Variants in RAB36 observed in about 807,000 individuals in gnomAD.
RAB36 encodes RAB36, member RAS oncogene family.
A neutral mutation model predicts 39.3 loss-of-function variants in RAB36; 33 were observed. The observed-to-expected ratio is 0.84, with a 90% CI of 0.64 to 1.12. The LOEUF (loss-of-function observed/expected upper bound fraction) is 1.12. Ranked by LOEUF, RAB36 falls within the 50% of genes most tolerant of loss-of-function variation. RAB36 has a pLI of 0.00. For missense variants in RAB36, 308 were observed against 355.3 expected (o/e 0.87, Z 1.07); for synonymous variants, 133 against 140.2 (o/e 0.95, Z 0.36).
At chr22:23,153,585 G>T in intron 5 of RAB36, 1 of 985,200 alleles carries the variant, frequency 1.0e-6, no homozygotes, top group Non-Finnish European at 1.2e-6. Context: ...GGGCTGAGAT[G>T]GAGTACACAG....
In RAB36 at chr22:23,162,989, G is replaced by A. The variant is rs2071895867; in HGVS notation, c.*1425G>A. 6.4e-6 allele frequency: 2 copies of A among 313,842 alleles called. No individual in the cohort carries two copies. The allele number at this position is 313,842 out of a possible 1,614,324, so 19.4% of individuals were successfully genotyped here. On this transcript the variant is annotated 3_prime_UTR_variant, in exon 11 of 11. Coordinates refer to ENST00000263116, the MANE Select transcript of RAB36 (RefSeq NM_004914.5). ...TGCAATGGCGTAATCTCGGCTCAGT[G>A]CAACCTCTGCCTCCCAGGTTGAAGC...
intron 9 of RAB36, 81 bp downstream of exon 9, chr22:23,159,334 T>A: frequency 1.5e-6 from 2 of 1,335,558 alleles, no homozygotes; most frequent in Non-Finnish European, 2.1e-6. Flanking sequence ...ATGCAGTGTT[T>A]CCCTCTGTAG....
intron 1 of RAB36, chr22:23,146,103 A>G (rs1354066995): frequency 2.4e-6 from 2 of 824,442 alleles, no homozygotes; most frequent in Admixed American, 6.2e-5. Flanking sequence ...ACTCCCAGGC[A>G]GGGTGGGGCA....
chr22:23,145,903 C>T (rs1265614968), intron 1 of RAB36: 1 of 870,520 alleles, frequency 1.1e-6, no homozygotes, highest in Non-Finnish European at 1.4e-6. Flanking sequence ...GGGAAAAGGC[C>T]TAGTTGGCTG....
chr22:23,164,475 C>G lies in RAB36; in HGVS notation c.*2911C>G, dbSNP rs2071986439. ...CGGAAACGCAAGGGGCTCAGTTGTC[C>G]CCCCACCCCAAGTTGATGCAGCATC... On this transcript the variant is annotated 3_prime_UTR_variant, in exon 11 of 11. Transcript: ENST00000263116. 6.6e-6 allele frequency: 1 copy of G among 152,182 alleles called. No homozygotes were observed. The highest frequency in any genetic ancestry group is 2.4e-5 in the African/African-American group (1 of 41,436). 9.4% of individuals were successfully genotyped at this position (152,182 alleles called of 1,614,324 possible).
intron 3 of RAB36, among the ~76,000 whole-genome samples, chr22:23,151,890 G>T (rs112546439): frequency 1.8e-4 from 28 of 152,274 alleles, no homozygotes; most frequent in African/African-American, 6.5e-4. Context: ...CCCTGTTCGG[G>T]GTGTGCCCCT....
intron 2 of RAB36, among the ~76,000 whole-genome samples, chr22:23,147,945 G>T (rs530016512): frequency 7.9e-5 from 12 of 152,228 alleles, no homozygotes; most frequent in Middle Eastern, 3.4e-3. Flanking sequence ...AGGGAGAAAT[G>T]TCTATTTGTT....
chr22:23,156,447 C>A, intron 6 of RAB36: 1 of 165,952 alleles, frequency 6.0e-6, no homozygotes, highest in South Asian at 1.3e-4. Flanking sequence ...CTGGGAGGCC[C>A]CAGGTGGGGG....
At chr22:23,160,789 G>C in intron 9 of RAB36, 90 bp from the exon 10 acceptor site, 2 of 1,537,822 alleles carry the variant, frequency 1.3e-6, no homozygotes, top group Non-Finnish European at 1.8e-6. Context: ...GTGCCAACCT[G>C]AGGGTAGGCT....
At chr22:23,145,895 GA>G in intron 1 of RAB36, 4 of 837,394 alleles carry the variant, frequency 4.8e-6, no homozygotes, top group Non-Finnish European at 5.8e-6. Flanking sequence ...GGTTTTCAGG[GA>G]AAAGGCCTAG....
chr22:23,148,677 C>T (rs1240332366), intron 2 of RAB36, among the ~76,000 whole-genome samples: 2 of 152,238 alleles, frequency 1.3e-5, no homozygotes, highest in Admixed American at 6.5e-5. Flanking sequence ...GACTGCTTGC[C>T]AGGCAAGTCC....
In RAB36 at chr22:23,155,986, G is replaced by C; in HGVS notation, c.348G>C (p.Gln116His). 6.2e-7 allele frequency: 1 copy of C among 1,612,612 alleles called. No individual in the cohort carries two copies. The highest frequency in any genetic ancestry group is 2.2e-5 in the East Asian group (1 of 44,768). The change falls in exon 6 of 11, where the codon CAG becomes CAC. Residue 116 changes from glutamine to histidine, a missense_variant. Transcript: ENST00000263116. ...YSLQIWDTAG[Q>H]EKFKCIASAY... Reference sequence around the variant, plus strand: ...CTCACAGCTGGGACACAGCTGGGCAGGAGAAGTTCAAGTGCATCGCATCTG... The same window carrying C: ...CTCACAGCTGGGACACAGCTGGGCACGAGAAGTTCAAGTGCATCGCATCTG...
chr22:23,160,832 G>T, intron 9 of RAB36, 47 bp from the exon 10 acceptor site: 1 of 1,590,464 alleles, frequency 6.3e-7, no homozygotes, highest in Non-Finnish European at 8.6e-7. Context: ...GCATTAAGGG[G>T]CAAGGAGAAA....
At chr22:23,154,323 G>T (rs540233418) in intron 5 of RAB36, among the ~76,000 whole-genome samples, 1 of 152,172 alleles carries the variant, frequency 6.6e-6, no homozygotes, top group Admixed American at 6.5e-5. Flanking sequence ...TCCATGCCCT[G>T]CCTGGACTGA....
chr22:23,150,749 G>A (rs1183859424), intron 3 of RAB36, among the ~76,000 whole-genome samples: 2 of 152,042 alleles, frequency 1.3e-5, no homozygotes, highest in Non-Finnish European at 2.9e-5. Flanking sequence ...TAATCCCCTC[G>A]CTTCCCCTTC....
intron 5 of RAB36, 21 bp from the exon 6 acceptor site, chr22:23,155,943 CCTTT>C (rs2146553245): frequency 1.3e-6 from 2 of 1,596,288 alleles, no homozygotes; most frequent in Non-Finnish European, 1.7e-6. Flanking sequence ...ACACCATTTC[CCTTT>C]CTTTCTCACC....
downstream of RAB36, among the ~76,000 whole-genome samples, chr22:23,166,423 G>A (rs547927809): frequency 5.9e-5 from 9 of 152,150 alleles, no homozygotes; most frequent in Admixed American, 1.3e-4. Flanking sequence ...GTGTCCCAAT[G>A]TCTGCTCCTT....
intron 1 of RAB36, chr22:23,146,170 C>T (rs1419530305): frequency 3.7e-6 from 1 of 266,808 alleles, no homozygotes; most frequent in Non-Finnish European, 5.8e-6. Context: ...GAAATGGCCT[C>T]TGCCCCATAT....
chr22:23,152,701 C>A (rs905514609), intron 4 of RAB36, among the ~76,000 whole-genome samples, 175 bp downstream of exon 4: 2 of 152,204 alleles, frequency 1.3e-5, no homozygotes, highest in African/African-American at 4.8e-5. Context: ...GGGGAGATGG[C>A]AGGGCTGGGC....
Sources: gnomAD v4.1 joint callset for allele counts (sites outside exome capture counted in the v4.1 genomes callset) on GRCh38, gnomAD v4.1.1 for gene constraint, MANE v1.5 for transcripts, NCBI Gene and HGNC (gene_info 2026-07-23, HGNC 2026-07-21) for gene names.